PLAAT1: variants seen among roughly 807,000 people sequenced by gnomAD.
PLAAT1 encodes the protein phospholipase A and acyltransferase 1.
A neutral mutation model predicts 16.4 loss-of-function variants in PLAAT1; 13 were observed. The ratio of observed to expected loss-of-function variants is 0.79; its 90% CI spans 0.52 to 1.26. The LOEUF (loss-of-function observed/expected upper bound fraction) is 1.26, where lower values mean the gene tolerates loss of function less well. PLAAT1 is among the 50% of genes most tolerant of loss of function. PLAAT1 has a pLI of 0.00. For synonymous variants in PLAAT1, 73 were observed against 78.4 expected (o/e 0.93, Z 0.36); for missense variants, 218 against 207.8 (o/e 1.05, Z -0.30).
chr3:193,264,169 T>C (rs908885956), intron 3 of PLAAT1, among the ~76,000 whole-genome samples: 14 of 152,212 alleles, frequency 9.2e-5, no homozygotes, highest in Admixed American at 9.2e-4. Context: ...TTCCAGTATT[T>C]TGAAATGGTG....
chr3:193,270,840 T>C lies in PLAAT1; in HGVS notation c.*135T>C. On this transcript the variant is annotated 3_prime_UTR_variant, in exon 4 of 4. Transcript: ENST00000264735. ...ATGGCAGACTCTTTAATAAATTGCT[T>C]ACTGATATTATCTTATCATTGAGCC... is the stretch of plus-strand genomic sequence containing the variant. 7.3e-7 allele frequency: 1 copy of C among 1,369,870 alleles called. No individual in the cohort carries two copies. Among genetic ancestry groups the C allele is most frequent in the South Asian group, 1.9e-5 (1 of 51,672 alleles). The allele number at this position is 1,369,870 out of a possible 1,614,324, so 84.9% of individuals were successfully genotyped here. A position where few individuals can be genotyped will look rare whatever the true frequency, so the allele number is the denominator to read the frequency against.
intron 1 of PLAAT1, among the ~76,000 whole-genome samples, chr3:193,253,641 T>G (rs1251054432): frequency 1.3e-5 from 2 of 152,130 alleles, no homozygotes; most frequent in Non-Finnish European, 2.9e-5. Flanking sequence ...ACAGACTAAG[T>G]TCCAGTGACC....
In PLAAT1 at chr3:193,255,486, A is replaced by G. The variant is rs1291557253; in HGVS notation, c.1-165A>G. ...CTACTTGTCCCCTTGTGCACACATCAGTGTTGGAATCATTCAAAGAAAAGG... is the reference window on the plus strand; with the variant it reads ...CTACTTGTCCCCTTGTGCACACATCGGTGTTGGAATCATTCAAAGAAAAGG... On this transcript the variant is annotated intron_variant, in intron 1 of 3. Coordinates refer to ENST00000264735, the MANE Select transcript of PLAAT1 (RefSeq NM_020386.5). Among the ~76,000 whole-genome samples the G allele has an allele frequency of 2.0e-5, 3 of 152,194 alleles. No individual in the cohort carries two copies. The East Asian group carries it at 5.8e-4, about 29-fold the overall frequency.
At chr3:193,264,321 A>T (rs2108798957) in intron 3 of PLAAT1, among the ~76,000 whole-genome samples, 1 of 152,260 alleles carries the variant, frequency 6.6e-6, no homozygotes, top group East Asian at 1.9e-4. Context: ...ATTTTTCAAA[A>T]TCCTACTTAT....
intron 2 of PLAAT1, among the ~76,000 whole-genome samples, chr3:193,276,262 T>G (rs1717194902): frequency 6.6e-6 from 1 of 152,178 alleles, no homozygotes; most frequent in African/African-American, 2.4e-5. Context: ...TCTTACTAAG[T>G]GGGTAAAGTC....
intron 1 of PLAAT1, among the ~76,000 whole-genome samples, chr3:193,244,922 C>T (rs533373188): frequency 6.6e-6 from 1 of 152,328 alleles, no homozygotes; most frequent in African/African-American, 2.4e-5. Flanking sequence ...ACCACCTCTT[C>T]AAGGCCTGCC....
At chr3:193,276,713 G>T in intron 2 of PLAAT1, 2 of 1,447,998 alleles carry the variant, frequency 1.4e-6, no homozygotes, top group Admixed American at 1.9e-5. Flanking sequence ...TCCTTAATTT[G>T]TTTATCTTCC....
At chr3:193,255,916 A>G in intron 2 of PLAAT1, 127 bp downstream of exon 2, 2 of 858,020 alleles carry the variant, frequency 2.3e-6, no homozygotes, top group Non-Finnish European at 3.3e-6. Context: ...AAATCCAACT[A>G]ATCTAGGTTT....
chr3:193,258,894 A>G (rs889313605), intron 2 of PLAAT1, among the ~76,000 whole-genome samples: 5 of 152,148 alleles, frequency 3.3e-5, no homozygotes, highest in African/African-American at 1.2e-4. Flanking sequence ...GCTCCTTCCT[A>G]ACTCATTCTA....
rs148221130 is a variant in PLAAT1, at chr3:193,258,019, A to G, written c.139+2230A>G. 6.4e-3 allele frequency among the ~76,000 whole-genome samples: 972 copies of G among 152,286 alleles called. 5 individuals are homozygous for G. The highest frequency in any genetic ancestry group is 0.018 in the South Asian group (86 of 4,822). The stretch of plus-strand genomic sequence containing the variant: ...CTACTTTTGAGATTTTGGGACTCGG[A>G]CTGGCTTCCTTGCTGCTCCACTTGC... On this transcript the variant is annotated intron_variant, in intron 2 of 3. Transcript: ENST00000264735.
upstream of PLAAT1, among the ~76,000 whole-genome samples, chr3:193,240,684 T>TGTGTGTGTGTGG (rs1198933933): frequency 6.9e-6 from 1 of 145,324 alleles, no homozygotes; most frequent in Admixed American, 6.9e-5. Flanking sequence ...TGTGTGTGTG[T>TGTGTGTGTGTGG]GGTTGGAGGT....
chr3:193,261,592 A>T (rs944044428), intron 2 of PLAAT1, among the ~76,000 whole-genome samples: 1 of 152,164 alleles, frequency 6.6e-6, no homozygotes, highest in African/African-American at 2.4e-5. Context: ...GAGCTTCCAG[A>T]GTCTAGTGGT....
chr3:193,240,723 G>T (rs1216710987), upstream of PLAAT1, among the ~76,000 whole-genome samples: 2 of 150,822 alleles, frequency 1.3e-5, no homozygotes, highest in African/African-American at 4.9e-5. Context: ...GTGTGTGTGT[G>T]TGTGGTGTGG....
At chr3:193,270,069 AACACAC>A (rs1553807457) in intron 3 of PLAAT1, among the ~76,000 whole-genome samples, 102 of 147,984 alleles carry the variant, frequency 6.9e-4, no homozygotes, top group Middle Eastern at 3.5e-3. Context: ...ACATCCCTGA[AACACAC>A]ACACACACAC....
At chr3:193,260,242 C>T (rs1307057240) in intron 2 of PLAAT1, among the ~76,000 whole-genome samples, 1 of 152,048 alleles carries the variant, frequency 6.6e-6, no homozygotes, top group Non-Finnish European at 1.5e-5. Flanking sequence ...AGAACTCAAA[C>T]TATAAAAGTC....
At chr3:193,252,583 TG>T (rs1716230671) in intron 1 of PLAAT1, among the ~76,000 whole-genome samples, 1 of 152,172 alleles carries the variant, frequency 6.6e-6, no homozygotes, top group Admixed American at 6.5e-5. Context: ...CAATTTTTCC[TG>T]GTAAGGATCA....
intron 1 of PLAAT1, among the ~76,000 whole-genome samples, chr3:193,250,183 T>C (rs1010912184): frequency 6.6e-6 from 1 of 152,154 alleles, no homozygotes; most frequent in Non-Finnish European, 1.5e-5. Context: ...ACTAACCTCT[T>C]TGTGCTTGTA....
intron 2 of PLAAT1, among the ~76,000 whole-genome samples, 185 bp downstream of exon 2, chr3:193,255,974 G>A (rs1055138917): frequency 6.6e-6 from 1 of 152,034 alleles, no homozygotes; most frequent in Non-Finnish European, 1.5e-5. Flanking sequence ...AATCACAAAG[G>A]CCAATTCACA....
At chr3:193,259,611 C>A (rs1716510349) in intron 2 of PLAAT1, among the ~76,000 whole-genome samples, 1 of 151,944 alleles carries the variant, frequency 6.6e-6, no homozygotes, top group African/African-American at 2.4e-5. Context: ...ATATTAAAAA[C>A]ACAATTCATT....
Sources: gnomAD v4.1 joint callset for allele counts (sites outside exome capture counted in the v4.1 genomes callset) on GRCh38, gnomAD v4.1.1 for gene constraint, MANE v1.5 for transcripts, NCBI Gene and HGNC (gene_info 2026-07-23, HGNC 2026-07-21) for gene names.